Variants in IL17RD observed in about 807,000 individuals in gnomAD.
IL17RD encodes interleukin-17 receptor D.
Under a neutral mutation model 80.5 loss-of-function variants are expected in IL17RD, and 52 were observed. The ratio of observed to expected loss-of-function variants is 0.65; its 90% CI spans 0.52 to 0.81. The LOEUF (loss-of-function observed/expected upper bound fraction) is 0.81, where lower values mean the gene tolerates loss of function less well. IL17RD is among the 40% of genes least tolerant of loss of function. IL17RD has a pLI of 0.00. For synonymous variants in IL17RD, 416 were observed against 391.8 expected (o/e 1.06, Z -0.73); for missense variants, 1,024 against 955.1 (o/e 1.07, Z -0.95).
At chr3:57,136,641 C>CCCCAA (rs1707735224) in intron 1 of IL17RD, among the ~76,000 whole-genome samples, 1 of 48,112 alleles carries the variant, frequency 2.1e-5, no homozygotes, top group Non-Finnish European at 4.0e-5. Context: ...AACCCCCACT[C>CCCCAA]AAAAAAAAAA....
rs1227230816 is a variant in IL17RD at position 57,127,347 on chromosome 3, TA to T, written c.127-7035del. ...ATATAAATATATATAAAAATATATA[TA>T]AATATATATAAATATAAATATATAT... On this transcript the variant is annotated intron_variant, in intron 1 of 12. Transcript: ENST00000296318. Among the ~76,000 whole-genome samples the T allele has an allele frequency of 7.4e-4, 71 of 95,350 alleles. 3 individuals carry two copies. Among genetic ancestry groups the T allele is most frequent in the East Asian group, 4.3e-3 (13 of 3,034 alleles). 62.6% of individuals were successfully genotyped at this position (95,350 alleles called of 152,430 possible).
Position 57,143,880 on chromosome 3 carries a change from C to A in IL17RD, c.126+21281G>T, listed in dbSNP as rs561615185. Among the ~76,000 whole-genome samples the A allele has an allele frequency of 9.8e-5, 15 of 152,302 alleles. No homozygotes were observed. In the East Asian group the frequency reaches 2.9e-3, roughly 29 times the overall value. Reference sequence around the variant, plus strand: ...GTTTCCAAATTAGAACACAGCGTTACAACTCAAGTCAATTATTTGGAATTA... The same window carrying A: ...GTTTCCAAATTAGAACACAGCGTTAAAACTCAAGTCAATTATTTGGAATTA... On this transcript the variant is annotated intron_variant, in intron 1 of 12. Coordinates refer to ENST00000296318, the MANE Select transcript of IL17RD (RefSeq NM_017563.5).
rs1383285776 is a variant in IL17RD at position 57,127,410 on chromosome 3, A to AT, written c.127-7098dup. Among the ~76,000 whole-genome samples, 234 of 85,996 alleles carry AT rather than the reference A, an allele frequency of 2.7e-3. 13 individuals are homozygous for AT. Among genetic ancestry groups the AT allele is most frequent in the African/African-American group, 7.1e-3 (146 of 20,584 alleles). The allele number at this position is 85,996 out of a possible 152,430, so 56.4% of individuals were successfully genotyped here. ...TAAATAAATAAATATATATATATAT[A>AT]TATTTTTTTTTTGAGATAAGAGTCT... is the stretch of plus-strand genomic sequence containing the variant. On this transcript the variant is annotated intron_variant, in intron 1 of 12. Transcript: ENST00000296318.
chr3:57,099,633 C>T (rs1706781619), intron 11 of IL17RD, among the ~76,000 whole-genome samples: 1 of 152,192 alleles, frequency 6.6e-6, no homozygotes, highest in African/African-American at 2.4e-5. Flanking sequence ...TTATACTTTC[C>T]TTAATTCTTG....
At position 57,097,860 on chromosome 3, in the gene IL17RD, G is replaced by A. The variant is rs760291038; in HGVS notation, c.1843C>T (p.Pro615Ser). 6.2e-7 allele frequency: 1 copy of A among 1,613,632 alleles called. No homozygotes were observed. Among genetic ancestry groups the A allele is most frequent in the Non-Finnish European group, 8.5e-7 (1 of 1,179,788 alleles). ...VEAAVLGATGPADSQHESQHG... is the reference protein window; with the variant it reads ...VEAAVLGATGSADSQHESQHG... ...TGACTCTCGTGCTGGGAGTCGGCTG[G>A]TCCGGTTGCCCCAAGAACAGCCGCC... Residue 615 changes from proline (P) to serine (S), a missense_variant, in exon 12 of 13, where the codon CCA (proline) becomes TCA (serine). Transcript: ENST00000296318.
chr3:57,098,261 T>C lies in IL17RD; in HGVS notation c.1442A>G (p.Asp481Gly). The change falls in exon 12 of 13, where the codon GAT becomes GGT. Residue 481 changes from aspartate to glycine, a missense_variant. Transcript: ENST00000296318. ...ALSKFIAVYF[D>G]YSCEGDVPGI... ...GGGGACGTCTCCCTCGCAGGAATAA[T>C]CAAAGTAGACGGCGATAAACTTGCT... is the stretch of plus-strand genomic sequence containing the variant. The C allele has an allele frequency of 1.2e-6, 2 of 1,613,940 alleles. No individual in the cohort carries two copies. The highest frequency in any genetic ancestry group is 1.7e-6 in the Non-Finnish European group (2 of 1,179,872).
At position 57,096,387 on chromosome 3, in the gene IL17RD, GT is replaced by G. The variant is rs1706671802; in HGVS notation, c.*5del. ...AAAGTGGCAATGCTTAGACTCTTTC[GT>G]TTTGTTACAAAGGGGCGACCGCGTG... On this transcript the variant is annotated 3_prime_UTR_variant, in exon 13 of 13. Coordinates refer to ENST00000296318, the MANE Select transcript of IL17RD (RefSeq NM_017563.5). 3 of 1,602,900 alleles carry G rather than the reference GT, an allele frequency of 1.9e-6. 1 individual carries two copies. The highest frequency in any genetic ancestry group is 3.3e-4 in the Middle Eastern group (2 of 6,050).
Position 57,165,202 on chromosome 3 carries a change from C to T in IL17RD, c.85G>A (p.Gly29Arg), listed in dbSNP as rs1184997892. The T allele has an allele frequency of 6.5e-7, 1 of 1,530,056 alleles. No homozygotes were observed. Among genetic ancestry groups the T allele is most frequent in the Non-Finnish European group, 8.8e-7 (1 of 1,139,300 alleles). 94.8% of individuals were successfully genotyped at this position (1,530,056 alleles called of 1,614,324 possible). The change falls in exon 1 of 13, where the codon GGG (glycine) becomes AGG (arginine). Residue 29 changes from glycine to arginine, a missense_variant. Physicochemically the swap from Gly to Arg is moderately radical, Grantham distance 125 (BLOSUM62 -2). Transcript: ENST00000296318. Reference sequence around the variant, plus strand: ...TCGGCGCCCCGCGCGCGGCCGGACCCGCCAGCGGCCACAGCCAGCTGCGAG... The same window carrying T: ...TCGGCGCCCCGCGCGCGGCCGGACCTGCCAGCGGCCACAGCCAGCTGCGAG... ...NGSQLAVAAG[G>R]SGRARGADTC...
Position 57,114,722 on chromosome 3 carries a change from C to T in IL17RD, c.280G>A (p.Val94Ile). The stretch of plus-strand genomic sequence containing the variant: ...GCCCCTGGGGACCAAAGAATGGTGA[C>T]TGCCACTTGGTCATGGCAAGCATAC... ...SQYACHDQVA[V>I]TILWSPGALG... Residue 94 changes from valine (V) to isoleucine (I), a missense_variant, in exon 3 of 13, where the codon GTC (valine) becomes ATC (isoleucine). By Grantham distance (29) the Val-to-Ile change is conservative. Transcript: ENST00000296318. The T allele has an allele frequency of 6.2e-7, 1 of 1,612,246 alleles. No homozygotes were observed. The highest frequency in any genetic ancestry group is 8.5e-7 in the Non-Finnish European group (1 of 1,179,410).
intron 1 of IL17RD, among the ~76,000 whole-genome samples, chr3:57,127,197 T>A (rs58997386): frequency 0.11 from 10,603 of 98,682 alleles, 1,090 homozygotes; most frequent in East Asian, 0.28. Flanking sequence ...TATATATATA[T>A]AAATATATAT....
rs34594516 is a variant in IL17RD at position 57,108,509 on chromosome 3, C to CTTT, written c.550+1025_550+1027dup. Reference sequence around the variant, plus strand: ...TTAATCTAATCGTTTTGATACATGGCTTTTTTTTTTTTTTTTTTTTTTTTT... The same window carrying CTTT: ...TTAATCTAATCGTTTTGATACATGGCTTTTTTTTTTTTTTTTTTTTTTTTTTTT... On this transcript the variant is annotated intron_variant, in intron 5 of 12. Coordinates refer to ENST00000296318, the MANE Select transcript of IL17RD (RefSeq NM_017563.5). 9.7e-3 allele frequency among the ~76,000 whole-genome samples: 479 copies of CTTT among 49,152 alleles called. 93 individuals are homozygous for CTTT. The highest frequency in any genetic ancestry group is 0.035 in the African/African-American group (366 of 10,414). 32.2% of individuals were successfully genotyped at this position (49,152 alleles called of 152,430 possible).
At position 57,131,595 on chromosome 3, in the gene IL17RD, G is replaced by T. The variant is rs537384610; in HGVS notation, c.127-11282C>A. Among the ~76,000 whole-genome samples the T allele has an allele frequency of 8.3e-4, 127 of 152,332 alleles. 1 individual carries two copies. The highest frequency in any genetic ancestry group is 1.7e-3 in the Non-Finnish European group (117 of 68,040). ...AGATCTGAAAACGGGGTGAGTGTGA[G>T]TTGCTATACAGCTGCAATCCTACCG... On this transcript the variant is annotated intron_variant, in intron 1 of 12. Coordinates refer to ENST00000296318, the MANE Select transcript of IL17RD (RefSeq NM_017563.5).
intron 1 of IL17RD, among the ~76,000 whole-genome samples, chr3:57,146,041 G>A (rs9873266): frequency 0.013 from 1,945 of 146,054 alleles, 10 homozygotes; most frequent in African/African-American, 0.019. Context: ...ACGCGCGCGC[G>A]CGCGCACACA....
In IL17RD at chr3:57,102,558, G is replaced by A. The variant is rs1706860097; in HGVS notation, c.900C>T (p.Ala300=). The change falls in exon 10 of 13, where the codon GCC becomes GCT. Residue 300 remains alanine, a synonymous_variant. Coordinates refer to ENST00000296318, the MANE Select transcript of IL17RD (RefSeq NM_017563.5). Reference sequence around the variant, plus strand: ...CTACCAGTGGCACTGTGATGGCCACGGCTCTGATGGGCCCGGCCCACGGGG... The same window carrying A: ...CTACCAGTGGCACTGTGATGGCCACAGCTCTGATGGGCCCGGCCCACGGGG... ...VHSPWAGPIR[A]VAITVPLVVI... The A allele has an allele frequency of 5.1e-6, 8 of 1,577,796 alleles. No homozygotes were observed. The highest frequency in any genetic ancestry group is 2.3e-5 in the East Asian group (1 of 43,942).
At chr3:57,114,046 T>TG (rs1261415602) in intron 3 of IL17RD, among the ~76,000 whole-genome samples, 1 of 147,716 alleles carries the variant, frequency 6.8e-6, no homozygotes, top group Non-Finnish European at 1.5e-5. Context: ...TAGCTGGGTG[T>TG]GGTGGTGGGC....
chr3:57,163,763 G>A (rs1045527298), intron 1 of IL17RD, among the ~76,000 whole-genome samples: 3 of 137,760 alleles, frequency 2.2e-5, no homozygotes, highest in African/African-American at 8.0e-5. Flanking sequence ...CAACTAGGAA[G>A]GAATGACAGA....
At chr3:57,162,294 C>T (rs2060310335) in intron 1 of IL17RD, among the ~76,000 whole-genome samples, 1 of 152,206 alleles carries the variant, frequency 6.6e-6, no homozygotes, top group Non-Finnish European at 1.5e-5. Flanking sequence ...ACCTTGCTGC[C>T]CCCTCTCAGG....
At chr3:57,119,568 A>G (rs1372648851) in intron 2 of IL17RD, among the ~76,000 whole-genome samples, 2 of 152,202 alleles carry the variant, frequency 1.3e-5, no homozygotes, top group South Asian at 2.1e-4. Context: ...GAACTGATAG[A>G]TGGGGTACTG....
intron 2 of IL17RD, among the ~76,000 whole-genome samples, 152 bp from the exon 3 acceptor site, chr3:57,114,969 G>A (rs1428444425): frequency 6.6e-6 from 1 of 152,138 alleles, no homozygotes; most frequent in East Asian, 1.9e-4. Flanking sequence ...AGACATGAGA[G>A]GTTGACTACT....
Sources: allele counts gnomAD v4.1 joint callset (sites outside exome capture counted in the v4.1 genomes callset), GRCh38; gene constraint gnomAD v4.1.1; transcripts MANE v1.5; gene names NCBI Gene and HGNC (gene_info 2026-07-23, HGNC 2026-07-21).